SEC31B: variants seen among roughly 807,000 people sequenced by gnomAD.
SEC31B encodes the protein SEC31 homolog B, COPII component.
SEC31B carries 113 observed loss-of-function variants against 135.0 expected under a neutral mutation model. The observed-to-expected ratio is 0.84, with a 90% CI of 0.72 to 0.98. The LOEUF (loss-of-function observed/expected upper bound fraction) is 0.98, where lower values mean the gene tolerates loss of function less well. Among genes scored for constraint, SEC31B ranks in the 50% least tolerant of loss-of-function variants. The pLI is 0.00. For missense variants in SEC31B, 1,296 were observed against 1,421.1 expected, an observed-to-expected ratio of 0.91 and a Z score of 1.42; for synonymous variants, 508 against 549.4, an observed-to-expected ratio of 0.92 and a Z score of 1.05.
chr10:100,506,525 T>C, intron 7 of SEC31B, 105 bp from the exon 8 acceptor site: 1 of 891,154 alleles, frequency 1.1e-6, no homozygotes, highest in Non-Finnish European at 1.8e-6. Context: ...AGACCATCCA[T>C]GCCCTATAAA....
chr10:100,502,040 T>C (rs532927499), intron 11 of SEC31B, among the ~76,000 whole-genome samples: 87 of 152,350 alleles, frequency 5.7e-4, no homozygotes, highest in Non-Finnish European at 1.2e-3. Flanking sequence ...TTCCCCATCT[T>C]TCCTAGCCTC....
In SEC31B at chr10:100,507,432, GGCTCTCCA is replaced by G. The variant is rs1851652877; in HGVS notation, c.767_774del (p.Leu256ProfsTer14). The G allele has an allele frequency of 6.2e-7, 1 of 1,614,060 alleles. No homozygotes were observed. The highest frequency in any genetic ancestry group is 1.7e-5 in the Admixed American group (1 of 59,998). ...TGACGTCTGAGATGCTACCTGCTGTGGCTCTCCAGCACCTTCAAGGGCGAGGAGGCAAA... is the reference window on the plus strand; with the variant it reads ...TGACGTCTGAGATGCTACCTGCTGTGGCACCTTCAAGGGCGAGGAGGCAAA... On this transcript the variant is annotated frameshift_variant, in exon 7 of 26. Transcript: ENST00000370345. LOFTEE classifies it high-confidence loss of function.
chr10:100,494,854 T>A (rs956008670), intron 19 of SEC31B: 2 of 142,934 alleles, frequency 1.4e-5, no homozygotes, highest in African/African-American at 5.4e-5. Context: ...TGAGACGGAG[T>A]CTCGCTCCGT....
At chr10:100,490,642 C>A (rs1851284400) in intron 20 of SEC31B, 64 bp downstream of exon 20, 1 of 1,443,156 alleles carries the variant, frequency 6.9e-7, no homozygotes, top group Admixed American at 2.5e-5. Context: ...CCATGCTGGC[C>A]ATGCCAATTG....
At position 100,516,966 on chromosome 10, in the gene SEC31B, G is replaced by A. The variant is rs1233695682; in HGVS notation, c.-14C>T. 2 of 1,611,562 alleles carry A rather than the reference G, an allele frequency of 1.2e-6. No homozygotes were observed. Among genetic ancestry groups the A allele is most frequent in the Non-Finnish European group, 1.7e-6 (2 of 1,177,878 alleles). On this transcript the variant is annotated 5_prime_UTR_variant, in exon 2 of 26. Transcript: ENST00000370345. The stretch of plus-strand genomic sequence containing the variant: ...CTTCAGCTTCATGGTCTATCCTGTA[G>A]GTGGCAGAAAACTGACATGGCCCTC...
intron 19 of SEC31B, among the ~76,000 whole-genome samples, chr10:100,494,565 T>C (rs1218019418): frequency 3.9e-5 from 6 of 152,196 alleles, no homozygotes; most frequent in Non-Finnish European, 8.8e-5. Context: ...ATAATAGTAA[T>C]TCTCAAAAGG....
intron 10 of SEC31B, 58 bp downstream of exon 10, chr10:100,505,302 AC>A: frequency 3.6e-6 from 4 of 1,119,466 alleles, no homozygotes; most frequent in Non-Finnish European, 4.7e-6. Flanking sequence ...CTTCACAAAC[AC>A]ACACACACAC....
chr10:100,489,041 A>G (rs901887172), intron 23 of SEC31B, 67 bp from the exon 24 acceptor site: 27 of 1,542,010 alleles, frequency 1.8e-5, no homozygotes, highest in Admixed American at 8.3e-5. Context: ...TTCCCTAAGG[A>G]CTAGTCCCCA....
intron 10 of SEC31B, among the ~76,000 whole-genome samples, chr10:100,504,819 AG>A (rs1446217350): frequency 6.6e-6 from 1 of 151,940 alleles, no homozygotes; most frequent in Non-Finnish European, 1.5e-5. Context: ...GCTGAAGGTT[AG>A]GGTACAAGCA....
intron 19 of SEC31B, 168 bp downstream of exon 19, chr10:100,495,217 G>C (rs1269473443): frequency 1.4e-6 from 1 of 699,950 alleles, no homozygotes; most frequent in African/African-American, 1.8e-5. Context: ...TATGTCCTAA[G>C]AGCCTAGTAG....
chr10:100,488,595 C>T (rs1489409258), intron 24 of SEC31B, among the ~76,000 whole-genome samples: 1 of 152,106 alleles, frequency 6.6e-6, no homozygotes. Flanking sequence ...CAGACTTCCT[C>T]ACTCCTGGCT....
At chr10:100,491,072 G>A (rs1299012665) in intron 19 of SEC31B, among the ~76,000 whole-genome samples, 189 bp from the exon 20 acceptor site, 4 of 152,136 alleles carry the variant, frequency 2.6e-5, no homozygotes, top group African/African-American at 4.8e-5. Context: ...CATCAGAGAT[G>A]AAACAGGGAC....
intron 3 of SEC31B, among the ~76,000 whole-genome samples, chr10:100,514,712 A>G (rs1354270958): frequency 6.6e-6 from 1 of 152,186 alleles, no homozygotes; most frequent in Non-Finnish European, 1.5e-5. Flanking sequence ...TCTTAGAGGG[A>G]CCAAGAAATG....
At position 100,507,826 on chromosome 10, in the gene SEC31B, G is replaced by A. The variant is rs896892234; in HGVS notation, c.639+82C>T. The A allele has an allele frequency of 8.2e-6, 13 of 1,578,350 alleles. No individual in the cohort carries two copies. The Admixed American group carries it at 1.5e-4, about 18-fold the overall frequency. On this transcript the variant is annotated intron_variant, in intron 6 of 25. Coordinates refer to ENST00000370345, the MANE Select transcript of SEC31B (RefSeq NM_015490.4). ...GTCCGACAGCTGAAAGCAGGACTCT[G>A]GCCTGGGGCAGAGCAGCTCTAACTG...
chr10:100,487,655 C>A lies in SEC31B; in HGVS notation c.3501G>T (p.Leu1167=), dbSNP rs1392049462. Residue 1167 remains leucine (L), a synonymous_variant, in exon 26 of 26, where the codon CTG becomes CTT. Coordinates refer to ENST00000370345, the MANE Select transcript of SEC31B (RefSeq NM_015490.4). Reference sequence around the variant, plus strand: ...TATGAGCGATGATGAGGACAGCCTTCAGGATAGGCATGAAGCTGGACACCT... The same window carrying A: ...TATGAGCGATGATGAGGACAGCCTTAAGGATAGGCATGAAGCTGGACACCT... ...FSEVSSFMPI[L]KAVLIIAHKL... The A allele has an allele frequency of 6.2e-7, 1 of 1,613,592 alleles. No homozygotes were observed. Among genetic ancestry groups the A allele is most frequent in the Non-Finnish European group, 8.5e-7 (1 of 1,179,802 alleles).
intron 10 of SEC31B, among the ~76,000 whole-genome samples, chr10:100,505,009 A>G (rs1363769933): frequency 6.6e-6 from 1 of 152,048 alleles, no homozygotes; most frequent in Non-Finnish European, 1.5e-5. Context: ...ATGACAGAAT[A>G]AAATGGTTTT....
In SEC31B at chr10:100,507,489, C is replaced by T. The variant is rs753277513; in HGVS notation, c.718G>A (p.Val240Met). Reference sequence around the variant, plus strand: ...AAGCGCAAGTCCCACAGCTGAATCACGGGAAGTCGATCATCCTCTGAGCAC... The same window carrying T: ...AAGCGCAAGTCCCACAGCTGAATCATGGGAAGTCGATCATCCTCTGAGCAC... ...VLCSEDDRLP[V>M]IQLWDLRFAS... The change falls in exon 7 of 26, where the codon GTG becomes ATG. Residue 240 changes from valine (V) to methionine (M), a missense_variant. Physicochemically the swap from Val to Met is conservative, Grantham distance 21. Coordinates refer to ENST00000370345, the MANE Select transcript of SEC31B (RefSeq NM_015490.4). 3.3e-5 allele frequency: 54 copies of T among 1,614,100 alleles called. No homozygotes were observed. Among genetic ancestry groups the T allele is most frequent in the African/African-American group, 1.1e-4 (8 of 74,934 alleles).
intron 13 of SEC31B, 89 bp downstream of exon 13, chr10:100,499,071 A>G (rs372742631): frequency 4.8e-6 from 5 of 1,040,952 alleles, no homozygotes; most frequent in Non-Finnish European, 7.4e-6. Flanking sequence ...ACTTACAGAC[A>G]GCAAAGAAAA....
intron 23 of SEC31B, 99 bp from the exon 24 acceptor site, chr10:100,489,073 C>A: frequency 6.6e-7 from 1 of 1,506,084 alleles, no homozygotes; most frequent in South Asian, 1.4e-5. Context: ...TCACACTGTT[C>A]CCATTACAGC....
Sources: allele counts gnomAD v4.1 joint callset (sites outside exome capture counted in the v4.1 genomes callset), GRCh38; gene constraint gnomAD v4.1.1; transcripts MANE v1.5; gene names NCBI Gene and HGNC (gene_info 2026-07-23, HGNC 2026-07-21).